Variants in DPP6 observed in about 807,000 individuals in gnomAD.
DPP6 encodes A-type potassium channel modulatory protein DPP6.
In DPP6, 69 loss-of-function variants were observed where a neutral mutation model predicts 122.6. That is an observed-to-expected ratio of 0.56 (90% CI 0.46 to 0.69). The LOEUF (loss-of-function observed/expected upper bound fraction) is 0.69. DPP6 is among the 30% of genes least tolerant of loss of function. DPP6 has a pLI of 0.00. For synonymous variants in DPP6, 418 were observed against 433.1 expected (o/e 0.97, Z 0.43); for missense variants, 928 against 1,116.9 (o/e 0.83, Z 2.41).
chr7:154,401,063 G>A (rs924672968), intron 1 of DPP6, among the ~76,000 whole-genome samples: 2 of 152,094 alleles, frequency 1.3e-5, no homozygotes, highest in Admixed American at 1.3e-4. Flanking sequence ...TAGGTGTGGT[G>A]GCATGCACCT....
intron 1 of DPP6, among the ~76,000 whole-genome samples, chr7:154,032,034 T>TTA (rs1319652740): frequency 6.6e-6 from 1 of 150,956 alleles, no homozygotes; most frequent in African/African-American, 2.4e-5. Flanking sequence ...CCTATTTTTT[T>TTA]TTTTTTTTTG....
chr7:154,564,342 A>T (rs1830606359), intron 4 of DPP6, among the ~76,000 whole-genome samples: 1 of 152,170 alleles, frequency 6.6e-6, no homozygotes, highest in South Asian at 2.1e-4. Context: ...ATTGTCTAAA[A>T]CGTGGATAGT....
intron 14 of DPP6, among the ~76,000 whole-genome samples, chr7:154,804,551 G>A (rs1461986268): frequency 6.6e-6 from 1 of 152,192 alleles, no homozygotes; most frequent in Non-Finnish European, 1.5e-5. Context: ...CAGGCTATAT[G>A]TCTGAACTTG....
chr7:154,282,869 A>C lies in DPP6; in HGVS notation c.244-163345A>C, dbSNP rs1367474042. Among the ~76,000 whole-genome samples, 3 of 152,298 alleles carry C rather than the reference A, an allele frequency of 2.0e-5. No homozygotes were observed. In the East Asian group the frequency reaches 5.8e-4, roughly 29 times the overall value. On this transcript the variant is annotated intron_variant, in intron 1 of 25. Coordinates refer to ENST00000377770, the MANE Select transcript of DPP6 (RefSeq NM_130797.4). This position sits in a 1 kb window ranked among gnomAD's most constrained non-coding sequence, Gnocchi z 4.8. ...TGAAGGAGAGATTGCCACTCTTTGG[A>C]GCCACATCTGAATGCCAGAAGTTCC...
chr7:153,829,894 A>G, the DPP6 span, among the ~76,000 whole-genome samples: 1 of 152,184 alleles, frequency 6.6e-6, no homozygotes, highest in African/African-American at 2.4e-5. Context: ...TATAACTGCA[A>G]GGAGCTCGTG....
chr7:154,303,035 G>A (rs139671229), intron 1 of DPP6, among the ~76,000 whole-genome samples: 2,513 of 152,308 alleles, frequency 0.016, 24 homozygotes, highest in Middle Eastern at 0.034. Flanking sequence ...AGGCTGGAGT[G>A]CAATGGCACC....
chr7:154,154,005 T>C (rs2150692155), intron 1 of DPP6, among the ~76,000 whole-genome samples: 1 of 152,264 alleles, frequency 6.6e-6, no homozygotes, highest in African/African-American at 2.4e-5. Context: ...TGTTCCTCGA[T>C]CAGCCCAAGC....
chr7:154,150,648 G>A (rs1012925559), intron 1 of DPP6, among the ~76,000 whole-genome samples: 4 of 152,256 alleles, frequency 2.6e-5, no homozygotes, highest in Admixed American at 6.5e-5. Context: ...ATGGCTTCCA[G>A]TAAGCACCTG....
intron 1 of DPP6, among the ~76,000 whole-genome samples, chr7:154,177,868 G>A (rs1308470222): frequency 6.6e-6 from 1 of 152,204 alleles, no homozygotes; most frequent in Non-Finnish European, 1.5e-5. Flanking sequence ...ACCCATAGGC[G>A]ATGTTGTTGT....
At chr7:154,093,749 C>G (rs1805101131) in intron 1 of DPP6, 1 of 152,114 alleles carries the variant, frequency 6.6e-6, no homozygotes, top group African/African-American at 2.4e-5. Flanking sequence ...GTCCTGTCTT[C>G]TGAAGTTAGT....
chr7:154,776,357 C>G (rs1290970897), intron 10 of DPP6, among the ~76,000 whole-genome samples: 1 of 152,098 alleles, frequency 6.6e-6, no homozygotes. Flanking sequence ...CACAGAGGCT[C>G]CCCTCTGCCC....
At chr7:154,069,666 T>C (rs1354626931) in intron 1 of DPP6, among the ~76,000 whole-genome samples, 2 of 149,400 alleles carry the variant, frequency 1.3e-5, no homozygotes, top group Non-Finnish European at 3.0e-5. Context: ...TAGAGTTAGA[T>C]GAATTAATCA....
At chr7:153,814,321 C>A in the DPP6 span, among the ~76,000 whole-genome samples, 12 of 152,266 alleles carry the variant, frequency 7.9e-5, no homozygotes, top group East Asian at 3.9e-4. Flanking sequence ...GAGAATACTA[C>A]AAACACCTCT....
chr7:154,364,837 AC>A (rs1812021400), intron 1 of DPP6, among the ~76,000 whole-genome samples: 1 of 152,204 alleles, frequency 6.6e-6, no homozygotes, highest in South Asian at 2.1e-4. Flanking sequence ...CGGAACCGGC[AC>A]AGTAGTTGTC....
intron 1 of DPP6, among the ~76,000 whole-genome samples, chr7:154,016,147 A>G (rs553814685): frequency 6.6e-6 from 1 of 152,252 alleles, no homozygotes; most frequent in East Asian, 1.9e-4. Context: ...GCAGTGACGC[A>G]TTCCTTGACC....
rs1554564267 is a variant in DPP6, at chr7:154,481,375, C to CTG, written c.457+6349_457+6350dup. On this transcript the variant is annotated intron_variant, in intron 3 of 25. Coordinates refer to ENST00000377770, the MANE Select transcript of DPP6 (RefSeq NM_130797.4). The surrounding 1 kb of genome is among the most constrained non-coding windows in gnomAD (Gnocchi z 4.2). Reference sequence around the variant, plus strand: ...TGTGTGTGTGTGTGTGTGTGTGTGTCTGTGTGTGTGTGCATGTCAGTCACT... The same window carrying CTG: ...TGTGTGTGTGTGTGTGTGTGTGTGTCTGTGTGTGTGTGTGCATGTCAGTCACT... Among the ~76,000 whole-genome samples, 1 of 86,674 alleles carries CTG rather than the reference C, an allele frequency of 1.2e-5. No homozygotes were observed. Among genetic ancestry groups the CTG allele is most frequent in the Non-Finnish European group, 2.4e-5 (1 of 41,196 alleles). 56.9% of individuals were successfully genotyped at this position (86,674 alleles called of 152,430 possible).
chr7:154,612,193 A>G (rs1833953576), intron 5 of DPP6, among the ~76,000 whole-genome samples: 1 of 152,170 alleles, frequency 6.6e-6, no homozygotes, highest in African/African-American at 2.4e-5. Flanking sequence ...TCTGTTCATT[A>G]CAAATTACTG....
rs1834440485 is a variant in DPP6 at position 154,618,799 on chromosome 7, A to C, written c.628-19022A>C. Reference sequence around the variant, plus strand: ...CACTATTATCATCTGCATGTCACAGAGGAGGGAGCTGAGATGCAGAGTATG... The same window carrying C: ...CACTATTATCATCTGCATGTCACAGCGGAGGGAGCTGAGATGCAGAGTATG... On this transcript the variant is annotated intron_variant, in intron 5 of 25. Coordinates refer to ENST00000377770, the MANE Select transcript of DPP6 (RefSeq NM_130797.4). This position sits in a 1 kb window ranked among gnomAD's most constrained non-coding sequence, Gnocchi z 4.1. Among the ~76,000 whole-genome samples, 1 of 152,216 alleles carries C rather than the reference A, an allele frequency of 6.6e-6. No homozygotes were observed. The highest frequency in any genetic ancestry group is 2.1e-4 in the South Asian group (1 of 4,828).
At chr7:153,955,193 G>A (rs1661270008) in intron 1 of DPP6, among the ~76,000 whole-genome samples, 1 of 152,118 alleles carries the variant, frequency 6.6e-6, no homozygotes, top group South Asian at 2.1e-4. Flanking sequence ...GTAGATTAAT[G>A]TAAACCTAGA....
Sources: gnomAD v4.1 joint callset for allele counts (sites outside exome capture counted in the v4.1 genomes callset) on GRCh38, gnomAD v4.1.1 for gene constraint, Gnocchi (gnomAD v3.1) non-coding constraint, MANE v1.5 for transcripts, NCBI Gene and HGNC (gene_info 2026-07-23, HGNC 2026-07-21) for gene names.